Variants in MACROD2 observed in about 807,000 individuals in gnomAD.
MACROD2 encodes the protein mono-ADP ribosylhydrolase 2, also known as ADP-ribose glycohydrolase MACROD2.
In MACROD2, 36 loss-of-function variants were observed where a neutral mutation model predicts 70.4. The ratio of observed to expected loss-of-function variants is 0.51; its 90% confidence interval spans 0.39 to 0.68. The LOEUF is 0.68. Ranked by LOEUF, MACROD2 falls within the 30% of genes least tolerant of loss-of-function variation. The pLI is 0.00. For synonymous variants in MACROD2, 172 were observed against 178.8 expected, an observed-to-expected ratio of 0.96 and a Z score of 0.30; for missense variants, 496 against 538.4, an observed-to-expected ratio of 0.92 and a Z score of 0.78.
At chr20:14,537,450 T>C (rs527995188) in intron 4 of MACROD2, among the ~76,000 whole-genome samples, 1 of 152,260 alleles carries the variant, frequency 6.6e-6, no homozygotes, top group East Asian at 1.9e-4. Flanking sequence ...CCATTCTTCA[T>C]TGTTGGTGTT....
At chr20:14,944,577 C>A (rs1296737153) in intron 5 of MACROD2, among the ~76,000 whole-genome samples, 1 of 152,136 alleles carries the variant, frequency 6.6e-6, no homozygotes, top group African/African-American at 2.4e-5. Context: ...AGCACATACC[C>A]CAGAGTCCTC....
chr20:15,180,219 G>A (rs924526928), intron 5 of MACROD2, among the ~76,000 whole-genome samples: 2 of 152,210 alleles, frequency 1.3e-5, no homozygotes, highest in Admixed American at 6.5e-5. Context: ...TGAATTTGGG[G>A]TGGGACACAA....
At chr20:14,363,788 G>T (rs1418375423) in intron 3 of MACROD2, among the ~76,000 whole-genome samples, 1 of 122,686 alleles carries the variant, frequency 8.2e-6, no homozygotes, top group Non-Finnish European at 1.6e-5. Flanking sequence ...CTGCACTCCA[G>T]CCTGGGCGAC....
intron 5 of MACROD2, among the ~76,000 whole-genome samples, chr20:14,686,634 T>C (rs1443584336): frequency 6.6e-6 from 1 of 152,186 alleles, no homozygotes; most frequent in African/African-American, 2.4e-5. Flanking sequence ...TACAGGTTTG[T>C]AGCCTGGGAG....
At chr20:14,002,464 CAG>C (rs1569109129) in intron 2 of MACROD2, 60 bp downstream of exon 2, 2 of 981,452 alleles carry the variant, frequency 2.0e-6, no homozygotes, top group African/African-American at 3.3e-5. Context: ...CAATTGTTGA[CAG>C]AAATGAATAA....
At chr20:14,620,357 C>T (rs765896006) in intron 4 of MACROD2, among the ~76,000 whole-genome samples, 1 of 151,936 alleles carries the variant, frequency 6.6e-6, no homozygotes, top group Non-Finnish European at 1.5e-5. Context: ...TGGATGCGTA[C>T]TATGAGCAAG....
intron 5 of MACROD2, among the ~76,000 whole-genome samples, chr20:14,874,671 GTATTTATT>G (rs71190161): frequency 0.061 from 8,753 of 143,114 alleles, 320 homozygotes; most frequent in Middle Eastern, 0.15. Flanking sequence ...AAAAAAGGTT[GTATTTATT>G]TATTTATTTA....
chr20:14,589,932 A>T (rs1211839799), intron 4 of MACROD2, among the ~76,000 whole-genome samples: 3 of 152,148 alleles, frequency 2.0e-5, no homozygotes, highest in Non-Finnish European at 4.4e-5. Flanking sequence ...CATCTGTGAG[A>T]CATGTGCTTT....
At chr20:14,992,732 T>C (rs377696121) in intron 5 of MACROD2, among the ~76,000 whole-genome samples, 321 of 152,332 alleles carry the variant, frequency 2.1e-3, no homozygotes, top group Middle Eastern at 6.8e-3. Flanking sequence ...CTTTTAGACA[T>C]GCATCTAGTT....
intron 9 of MACROD2, among the ~76,000 whole-genome samples, chr20:15,885,411 G>A (rs2064809540): frequency 6.6e-6 from 1 of 152,154 alleles, no homozygotes; most frequent in Non-Finnish European, 1.5e-5. Flanking sequence ...CTTTAACAAA[G>A]TTAGAACATG....
At chr20:14,591,365 A>C (rs1490287312) in intron 4 of MACROD2, among the ~76,000 whole-genome samples, 1 of 152,180 alleles carries the variant, frequency 6.6e-6, no homozygotes, top group Non-Finnish European at 1.5e-5. Flanking sequence ...TTATATATCA[A>C]CTTTATTTGC....
At chr20:15,551,868 CAAAAAA>C (rs5840671) in intron 8 of MACROD2, among the ~76,000 whole-genome samples, 1 of 121,826 alleles carries the variant, frequency 8.2e-6, no homozygotes, top group Non-Finnish European at 1.7e-5. Context: ...GACCCTGCCT[CAAAAAA>C]AAAAAAAAAA....
intron 16 of MACROD2, among the ~76,000 whole-genome samples, 174 bp downstream of exon 16, chr20:16,041,452 TA>T (rs559960227): frequency 1.5e-3 from 223 of 150,810 alleles, no homozygotes; most frequent in African/African-American, 4.7e-3. Flanking sequence ...ACCTCTTATT[TA>T]AAAAAAAAAC....
intron 3 of MACROD2, chr20:14,128,184 C>G (rs2054675364): frequency 2.5e-6 from 1 of 403,894 alleles, no homozygotes; most frequent in Admixed American, 2.9e-5. Context: ...GAGAGCCCAA[C>G]AAGGAACCAA....
intron 5 of MACROD2, among the ~76,000 whole-genome samples, chr20:15,219,811 G>A (rs1237977616): frequency 6.6e-6 from 1 of 151,994 alleles, no homozygotes; most frequent in Non-Finnish European, 1.5e-5. Flanking sequence ...TCCTTCAGAG[G>A]GTGTCTAGAA....
chr20:15,379,426 CT>C (rs748192719), intron 6 of MACROD2, among the ~76,000 whole-genome samples: 2 of 151,926 alleles, frequency 1.3e-5, no homozygotes, highest in Non-Finnish European at 2.9e-5. Context: ...TTGGCATAGT[CT>C]TGGCATTACG....
intron 8 of MACROD2, among the ~76,000 whole-genome samples, chr20:15,551,236 C>T (rs1295535200): frequency 6.6e-6 from 1 of 151,828 alleles, no homozygotes; most frequent in Non-Finnish European, 1.5e-5. Flanking sequence ...GAATCCTCTA[C>T]AGAGTTCCCT....
intron 5 of MACROD2, chr20:14,894,243 T>C (rs1399857722): frequency 2.0e-5 from 3 of 151,866 alleles, no homozygotes; most frequent in African/African-American, 7.3e-5. Flanking sequence ...GTTTGTTTTG[T>C]TTTTTGAGAT....
At chr20:15,735,939 T>C (rs2051013789) in intron 8 of MACROD2, among the ~76,000 whole-genome samples, 2 of 145,156 alleles carry the variant, frequency 1.4e-5, no homozygotes, top group South Asian at 4.6e-4. Context: ...ACACCTACCA[T>C]GTGCTGTACA....
Sources: allele counts gnomAD v4.1 joint callset (sites outside exome capture counted in the v4.1 genomes callset), GRCh38; gene constraint gnomAD v4.1.1; transcripts MANE v1.5; gene names NCBI Gene and HGNC (gene_info 2026-07-23, HGNC 2026-07-21).